PM20D2: variants seen among roughly 807,000 people sequenced by gnomAD.
The protein encoded by PM20D2 is peptidase M20 domain containing 2, also known as xaa-Arg dipeptidase.
A neutral mutation model predicts 42.9 loss-of-function variants in PM20D2; 33 were observed. That is an observed-to-expected ratio of 0.77 (90% CI 0.58 to 1.03). PM20D2 has a LOEUF of 1.03. Ranked by LOEUF, PM20D2 falls within the 50% of genes least tolerant of loss-of-function variation. The pLI, the probability that PM20D2 is intolerant of heterozygous loss-of-function variation, is 0.00. For missense variants in PM20D2, 548 were observed against 557.0 expected (o/e 0.98, Z 0.16); for synonymous variants, 250 against 228.2 (o/e 1.10, Z -0.86).
chr6:89,106,851 T>C, the PM20D2 span: 1 of 396,850 alleles, frequency 2.5e-6, no homozygotes, highest in Non-Finnish European at 4.9e-6. Flanking sequence ...TTTTGCTTGA[T>C]AAAGACTTCC....
upstream of PM20D2, among the ~76,000 whole-genome samples, chr6:89,141,145 A>G (rs377480391): frequency 9.2e-4 from 140 of 152,142 alleles, 1 homozygote; most frequent in African/African-American, 3.2e-3. Flanking sequence ...ATGCACATCC[A>G]TCAATTTGCC....
the PM20D2 span, among the ~76,000 whole-genome samples, chr6:89,141,053 T>C: frequency 6.6e-6 from 1 of 152,214 alleles, no homozygotes. Context: ...TTACTCATAC[T>C]AGCTATGTAG....
At chr6:89,120,765 C>T in the PM20D2 span, among the ~76,000 whole-genome samples, 1 of 152,002 alleles carries the variant, frequency 6.6e-6, no homozygotes, top group Non-Finnish European at 1.5e-5. Flanking sequence ...CCTAGCTGCT[C>T]AGGTGGCTGA....
chr6:89,118,947 C>T, the PM20D2 span, among the ~76,000 whole-genome samples: 1 of 152,236 alleles, frequency 6.6e-6, no homozygotes, highest in Admixed American at 6.5e-5. Context: ...TCGCCTTGCT[C>T]CTGTGGCCGG....
intron 6 of PM20D2, 56 bp downstream of exon 6, chr6:89,161,946 C>A: frequency 6.6e-7 from 1 of 1,507,950 alleles, no homozygotes; most frequent in Non-Finnish European, 9.2e-7. Flanking sequence ...CTGGTAGTAG[C>A]TGCCTTTCTG....
At position 89,148,644 on chromosome 6, in the gene PM20D2, A is replaced by T. The variant is rs751403864; in HGVS notation, c.466-621A>T. On this transcript the variant is annotated intron_variant, in intron 1 of 6. Transcript: ENST00000275072. ...ACTTGTTTAATGTTCTTCATAAAGG[A>T]TTAATGAGTTCAGACTTTTAAAATA... 226 of 832,548 alleles carry T rather than the reference A, an allele frequency of 2.7e-4. 1 individual carries two copies. Among genetic ancestry groups the T allele is most frequent in the Non-Finnish European group, 3.2e-4 (223 of 690,840 alleles). 51.6% of individuals were successfully genotyped at this position (832,548 alleles called of 1,614,324 possible). A position where few individuals can be genotyped will look rare whatever the true frequency, so the allele number is the denominator to read the frequency against.
the PM20D2 span, among the ~76,000 whole-genome samples, chr6:89,130,809 G>GCTT: frequency 1.0e-3 from 91 of 89,034 alleles, no homozygotes; most frequent in African/African-American, 4.0e-3. Context: ...TTTGTATCTG[G>GCTT]CTTCTTCTTC....
the PM20D2 span, among the ~76,000 whole-genome samples, chr6:89,115,723 G>A: frequency 6.2e-5 from 9 of 145,112 alleles, no homozygotes; most frequent in East Asian, 1.2e-3. Context: ...TGCAAGCTCC[G>A]CCTCCCGGGT....
At chr6:89,113,854 G>A in the PM20D2 span, among the ~76,000 whole-genome samples, 1 of 151,934 alleles carries the variant, frequency 6.6e-6, no homozygotes, top group East Asian at 1.9e-4. Context: ...TGTTTCCCTG[G>A]CTGGTTTCAA....
At position 89,149,322 on chromosome 6, in the gene PM20D2, G is replaced by A. The variant is rs1770745945; in HGVS notation, c.523G>A (p.Glu175Lys). 2 of 1,614,048 alleles carry A rather than the reference G, an allele frequency of 1.2e-6. No individual in the cohort carries two copies. The highest frequency in any genetic ancestry group is 2.7e-5 in the African/African-American group (2 of 75,034). The change falls in exon 2 of 7, where the codon GAA becomes AAA. Residue 175 changes from glutamate to lysine, a missense_variant. Physicochemically the swap from Glu to Lys is moderately conservative, Grantham distance 56 (BLOSUM62 1). Around this residue, in one of 3 missense-constraint regions of PM20D2, gnomAD observed 470 missense variants for 464.4 expected, o/e 1.01. Transcript: ENST00000275072. ...TGGTGGTGGCAAAATTGATTTAATTGAAGCAGGGGCTTTTACAAATCTTGA... is the reference window on the plus strand; with the variant it reads ...TGGTGGTGGCAAAATTGATTTAATTAAAGCAGGGGCTTTTACAAATCTTGA... ...EDGGGKIDLI[E>K]AGAFTNLDVV...
chr6:89,155,789 A>G (rs1363252626), intron 4 of PM20D2, among the ~76,000 whole-genome samples: 1 of 149,218 alleles, frequency 6.7e-6, no homozygotes, highest in African/African-American at 2.5e-5. Flanking sequence ...GCTCAACGCA[A>G]CCTCCTCTGC....
chr6:89,144,145 G>A (rs1002730492), upstream of PM20D2, among the ~76,000 whole-genome samples: 1 of 152,138 alleles, frequency 6.6e-6, no homozygotes, highest in African/African-American at 2.4e-5. Flanking sequence ...ATACATACGT[G>A]CCTGTGGGCA....
At chr6:89,099,835 G>A in the PM20D2 span, among the ~76,000 whole-genome samples, 6 of 151,932 alleles carry the variant, frequency 3.9e-5, no homozygotes, top group East Asian at 1.9e-4. Context: ...ACACCCAGCC[G>A]AAAACAACTA....
At position 89,164,354 on chromosome 6, in the gene PM20D2, G is replaced by A. The variant is rs947364413; in HGVS notation, c.*2091G>A. ...GAGTGCCTATTTCTAAGCACTGGGT[G>A]TAAGAAGAAAAGACACTTGCAAAGG... On this transcript the variant is annotated 3_prime_UTR_variant, in exon 7 of 7. Transcript: ENST00000275072. 1.3e-5 allele frequency: 2 copies of A among 152,546 alleles called. No individual in the cohort carries two copies. The highest frequency in any genetic ancestry group is 4.8e-5 in the African/African-American group (2 of 41,440). 9.4% of individuals were successfully genotyped at this position (152,546 alleles called of 1,614,324 possible). A position where few individuals can be genotyped will look rare whatever the true frequency, so the allele number is the denominator to read the frequency against.
the PM20D2 span, among the ~76,000 whole-genome samples, chr6:89,110,626 G>C: frequency 6.6e-6 from 1 of 152,134 alleles, no homozygotes; most frequent in South Asian, 2.1e-4. Context: ...GTGTAGAGAG[G>C]TGGAGTTCTC....
chr6:89,140,664 G>A, the PM20D2 span, among the ~76,000 whole-genome samples: 595 of 152,214 alleles, frequency 3.9e-3, 7 homozygotes, highest in Middle Eastern at 0.031. Context: ...GTGTTGTTTT[G>A]TACACACTGT....
chr6:89,102,971 C>G, the PM20D2 span, among the ~76,000 whole-genome samples: 2 of 152,106 alleles, frequency 1.3e-5, no homozygotes. Context: ...CACTATGTTG[C>G]CCAGGCTGGT....
chr6:89,148,070 T>C (rs1190286438), intron 1 of PM20D2, among the ~76,000 whole-genome samples: 1 of 133,750 alleles, frequency 7.5e-6, no homozygotes, highest in Non-Finnish European at 1.5e-5. Flanking sequence ...AACCTCCGCC[T>C]CCCGGGTTCA....
At chr6:89,148,701 A>C (rs911550238) in intron 1 of PM20D2, 1 of 415,886 alleles carries the variant, frequency 2.4e-6, no homozygotes, top group African/African-American at 2.2e-5. Context: ...AGTTTAGGCC[A>C]GAAGATCAGG....
Sources: gnomAD v4.1 joint callset for allele counts (sites outside exome capture counted in the v4.1 genomes callset) on GRCh38, gnomAD v4.1.1 for gene constraint, gnomAD v4.1.1 regional missense constraint, MANE v1.5 for transcripts, NCBI Gene and HGNC (gene_info 2026-07-23, HGNC 2026-07-21) for gene names.